The following LIN28B variants were observed in gnomAD, a reference collection of about 807,000 sequenced individuals.
LIN28B encodes lin-28 RNA binding posttranscriptional regulator B.
A neutral mutation model predicts 21.9 loss-of-function variants in LIN28B; 5 were observed. The ratio of observed to expected loss-of-function variants is 0.23; its 90% CI spans 0.12 to 0.48. The LOEUF is 0.48. Among genes scored for constraint, LIN28B ranks in the 20% least tolerant of loss-of-function variants. The pLI is 0.98. For missense variants in LIN28B, 245 were observed against 310.5 expected (o/e 0.79, Z 1.58); for synonymous variants, 109 against 111.3 (o/e 0.98, Z 0.13).
At chr6:105,002,115 A>G (rs1770731747) in intron 2 of LIN28B, among the ~76,000 whole-genome samples, 1 of 149,900 alleles carries the variant, frequency 6.7e-6, no homozygotes, top group South Asian at 2.1e-4. Flanking sequence ...GGGCTTCCTG[A>G]CCCTTCTGTG....
At chr6:104,957,287 T>A (rs768254230) in intron 1 of LIN28B, 27 bp downstream of exon 1, 13 of 1,542,790 alleles carry the variant, frequency 8.4e-6, no homozygotes, top group Middle Eastern at 1.7e-4. Context: ...ATTGTTTTAC[T>A]GTGAATTTCT....
intron 2 of LIN28B, among the ~76,000 whole-genome samples, chr6:104,982,139 C>T (rs1034429487): frequency 1.3e-5 from 2 of 151,916 alleles, no homozygotes; most frequent in Non-Finnish European, 2.9e-5. Context: ...ACGGTGAAAC[C>T]CTGTCTCTAC....
At chr6:105,019,674 A>G (rs775743663) in intron 2 of LIN28B, among the ~76,000 whole-genome samples, 4 of 152,178 alleles carry the variant, frequency 2.6e-5, no homozygotes, top group South Asian at 2.1e-4. Context: ...CTTCTGCTGC[A>G]GCTCCTTCTG....
At chr6:105,032,372 A>G (rs1771442620) in intron 3 of LIN28B, among the ~76,000 whole-genome samples, 1 of 152,196 alleles carries the variant, frequency 6.6e-6, no homozygotes, top group African/African-American at 2.4e-5. Flanking sequence ...CATTCCCACC[A>G]CTGGTATGTG....
At chr6:105,027,122 TGGGA>T (rs1771301731) in intron 3 of LIN28B, among the ~76,000 whole-genome samples, 1 of 152,144 alleles carries the variant, frequency 6.6e-6, no homozygotes, top group Non-Finnish European at 1.5e-5. Context: ...AACACCACTG[TGGGA>T]ACTCTTAGAT....
At chr6:105,054,844 AC>A (rs1771990318) in intron 3 of LIN28B, among the ~76,000 whole-genome samples, 1 of 141,862 alleles carries the variant, frequency 7.0e-6, no homozygotes, top group Non-Finnish European at 1.5e-5. Flanking sequence ...AACCTGAACA[AC>A]TTTTTTTTTT....
chr6:105,072,681 G>A (rs2114418570), intron 3 of LIN28B, among the ~76,000 whole-genome samples: 1 of 152,132 alleles, frequency 6.6e-6, no homozygotes, highest in African/African-American at 2.4e-5. Context: ...TTTAAGTATG[G>A]AAAACATACT....
chr6:105,067,325 C>T (rs189051510), intron 3 of LIN28B, among the ~76,000 whole-genome samples: 213 of 152,188 alleles, frequency 1.4e-3, no homozygotes, highest in Non-Finnish European at 2.5e-3. Context: ...GAATGTAAAC[C>T]TGCAGTTAGG....
At chr6:104,999,073 C>A (rs1323239354) in intron 2 of LIN28B, among the ~76,000 whole-genome samples, 1 of 152,036 alleles carries the variant, frequency 6.6e-6, no homozygotes, top group Non-Finnish European at 1.5e-5. Flanking sequence ...TATGGAAATT[C>A]ATGAAGATAT....
chr6:104,991,920 G>A (rs1770491835), intron 2 of LIN28B, among the ~76,000 whole-genome samples: 1 of 151,346 alleles, frequency 6.6e-6, no homozygotes, highest in Non-Finnish European at 1.5e-5. Flanking sequence ...TGAGGCAGGA[G>A]AATCAGGCAG....
chr6:105,070,982 T>C (rs1328329487), intron 3 of LIN28B, among the ~76,000 whole-genome samples: 2 of 152,120 alleles, frequency 1.3e-5, no homozygotes, highest in African/African-American at 4.8e-5. Flanking sequence ...GTTCAAGCAA[T>C]TCTCCTGCCT....
In LIN28B at chr6:105,040,168, G is replaced by T. The variant is rs527433705; in HGVS notation, c.383+13686G>T. ...CTACTCTAGTATATTGATAAAGTGA[G>T]TTACATCTATAGATTTTATGAAGTT... On this transcript the variant is annotated intron_variant, in intron 3 of 3. Transcript: ENST00000345080. Among the ~76,000 whole-genome samples, 7 of 152,212 alleles carry T rather than the reference G, an allele frequency of 4.6e-5. No homozygotes were observed. In the South Asian group the frequency reaches 1.4e-3, roughly 32 times the overall value.
chr6:105,003,502 C>CT (rs987972291), intron 2 of LIN28B, among the ~76,000 whole-genome samples: 2 of 151,898 alleles, frequency 1.3e-5, no homozygotes, highest in African/African-American at 4.8e-5. Flanking sequence ...CTCCCTGTGC[C>CT]TTACTGATTT....
intron 2 of LIN28B, among the ~76,000 whole-genome samples, chr6:104,986,517 C>T (rs1770347484): frequency 1.5e-5 from 2 of 133,584 alleles, no homozygotes; most frequent in South Asian, 2.5e-4. Context: ...AATTAGTCAG[C>T]TTGTTCATTT....
At chr6:104,984,410 A>G (rs1415658091) in intron 2 of LIN28B, among the ~76,000 whole-genome samples, 1 of 151,816 alleles carries the variant, frequency 6.6e-6, no homozygotes. Context: ...TTGTATCTCT[A>G]GCCAAACTAT....
intron 2 of LIN28B, among the ~76,000 whole-genome samples, chr6:105,015,880 A>G (rs1166780403): frequency 6.6e-6 from 1 of 152,196 alleles, no homozygotes; most frequent in Non-Finnish European, 1.5e-5. Context: ...AGAGGAAAAT[A>G]GGAAACAAAG....
At chr6:104,992,943 AC>A (rs1770526114) in intron 2 of LIN28B, among the ~76,000 whole-genome samples, 1 of 152,070 alleles carries the variant, frequency 6.6e-6, no homozygotes. Context: ...TTGAATTATT[AC>A]TTTTTTACTC....
At chr6:105,057,443 T>C (rs1210998826) in intron 3 of LIN28B, among the ~76,000 whole-genome samples, 1 of 152,134 alleles carries the variant, frequency 6.6e-6, no homozygotes, top group East Asian at 1.9e-4. Context: ...ATTTGAAGAG[T>C]GTTGTATTTC....
At chr6:104,970,782 A>G (rs1282642582) in intron 2 of LIN28B, among the ~76,000 whole-genome samples, 2 of 152,198 alleles carry the variant, frequency 1.3e-5, no homozygotes, top group South Asian at 2.1e-4. Context: ...ATAGGACTAC[A>G]TGTAAAATAC....
Sources: allele counts gnomAD v4.1 joint callset (sites outside exome capture counted in the v4.1 genomes callset), GRCh38; gene constraint gnomAD v4.1.1; transcripts MANE v1.5; gene names NCBI Gene and HGNC (gene_info 2026-07-23, HGNC 2026-07-21).